DNMT3A: variants seen among roughly 807,000 people sequenced by gnomAD.
DNMT3A encodes the protein DNA methyltransferase 3 alpha.
Under a neutral mutation model 117.6 loss-of-function variants are expected in DNMT3A, and 267 were observed. The ratio of observed to expected loss-of-function variants is 2.27; its 90% confidence interval spans 2.05 to 2.51. DNMT3A has a LOEUF of 2.51. DNMT3A is among the 30% of genes most tolerant of loss of function. The pLI is 0.00. For synonymous variants in DNMT3A, 432 were observed against 474.8 expected (o/e 0.91, Z 1.17); for missense variants, 1,029 against 1,260.2 (o/e 0.82, Z 2.78).
chr2:25,239,263 A>G, intron 19 of DNMT3A, 48 bp from the exon 20 acceptor site: 1 of 1,554,290 alleles, frequency 6.4e-7, no homozygotes, highest in Non-Finnish European at 8.8e-7. Context: ...GGAGCATGAA[A>G]CAGCGCCGGC....
At chr2:25,329,674 CACACACACACACACA>C (rs1558746443) in intron 1 of DNMT3A, among the ~76,000 whole-genome samples, 2 of 22,674 alleles carry the variant, frequency 8.8e-5, no homozygotes, top group African/African-American at 1.3e-4. Flanking sequence ...ATGCAGACCC[CACACACACACACACA>C]CACACACACA....
intron 1 of DNMT3A, among the ~76,000 whole-genome samples, chr2:25,326,118 G>A (rs997152484): frequency 7.1e-5 from 10 of 140,780 alleles, no homozygotes; most frequent in Non-Finnish European, 8.0e-5. Flanking sequence ...ATGTGTGTGT[G>A]TGTGTGTGTG....
chr2:25,318,698 C>CTTTTTTTTTTTTTT (rs375722790), intron 1 of DNMT3A, among the ~76,000 whole-genome samples: 1 of 132,266 alleles, frequency 7.6e-6, no homozygotes, highest in African/African-American at 2.8e-5. Context: ...TTTTTCTTTT[C>CTTTTTTTTTTTTTT]TTTTTTTTTT....
intron 3 of DNMT3A, among the ~76,000 whole-genome samples, chr2:25,290,569 A>C (rs979164154): frequency 2.4e-4 from 37 of 152,076 alleles, no homozygotes; most frequent in Admixed American, 3.9e-4. Context: ...TAATCCACCC[A>C]CCTCGGCCTC....
At chr2:25,270,031 G>A (rs1558693793) in intron 6 of DNMT3A, among the ~76,000 whole-genome samples, 5 of 152,150 alleles carry the variant, frequency 3.3e-5, no homozygotes, top group South Asian at 2.1e-4. Flanking sequence ...CAGCCTAGGG[G>A]AAGGGCTGGT....
rs116666907 is a variant in DNMT3A, at chr2:25,327,929, T to C, written c.-177-13768A>G. ...CTCACATCCAGCAGGTACCTGGTCC[T>C]TGGGCTTCTCTCGTCCCCCTATTCC... On this transcript the variant is annotated intron_variant, in intron 1 of 22. Transcript: ENST00000321117. The surrounding 1 kb of genome is among the most constrained non-coding windows in gnomAD (Gnocchi z 4.1). Among the ~76,000 whole-genome samples the C allele has an allele frequency of 7.7e-3, 1,173 of 152,322 alleles. 15 individuals carry two copies. The highest frequency in any genetic ancestry group is 0.027 in the African/African-American group (1,113 of 41,568).
chr2:25,273,740 C>T (rs935774288), intron 6 of DNMT3A, among the ~76,000 whole-genome samples: 5 of 152,316 alleles, frequency 3.3e-5, no homozygotes, highest in Non-Finnish European at 7.3e-5. Context: ...AGAAGCTTCT[C>T]TATAAAGTCA....
At chr2:25,235,197 T>TC (rs1673214544) in intron 22 of DNMT3A, among the ~76,000 whole-genome samples, 3 of 151,446 alleles carry the variant, frequency 2.0e-5, no homozygotes, top group Admixed American at 6.6e-5. Flanking sequence ...TTTTTTTTTT[T>TC]TCCCTTTGAG....
chr2:25,247,844 G>C lies in DNMT3A; in HGVS notation c.856-95C>G. On this transcript the variant is annotated intron_variant, in intron 7 of 22. Coordinates refer to ENST00000321117, the MANE Select transcript of DNMT3A (RefSeq NM_022552.5). The surrounding 1 kb of genome is among the most constrained non-coding windows in gnomAD (Gnocchi z 5.6). ...CAACCCCAGCCCTGGGCATCTGGGG[G>C]GCAGGACAGCCAGGAGGGAGCTCCA... is the stretch of plus-strand genomic sequence containing the variant. 1 of 1,556,934 alleles carries C rather than the reference G, an allele frequency of 6.4e-7. No individual in the cohort carries two copies. The highest frequency in any genetic ancestry group is 8.7e-7 in the Non-Finnish European group (1 of 1,155,776).
intron 1 of DNMT3A, among the ~76,000 whole-genome samples, chr2:25,335,578 C>T (rs891707259): frequency 2.6e-5 from 4 of 152,190 alleles, no homozygotes; most frequent in African/African-American, 9.7e-5. Flanking sequence ...ATCACTGGAA[C>T]CCATGACCCA....
intron 6 of DNMT3A, chr2:25,249,760 T>C (rs1675286535): frequency 6.2e-7 from 1 of 1,610,386 alleles, no homozygotes; most frequent in Non-Finnish European, 8.5e-7. Context: ...TACTTAGCTC[T>C]GAGAACCATT....
chr2:25,339,152 C>G lies in DNMT3A; in HGVS notation c.-178+2674G>C, dbSNP rs576989463. On this transcript the variant is annotated intron_variant, in intron 1 of 22. Coordinates refer to ENST00000321117, the MANE Select transcript of DNMT3A (RefSeq NM_022552.5). This position sits in a 1 kb window ranked among gnomAD's most constrained non-coding sequence, Gnocchi z 4.9. The stretch of plus-strand genomic sequence containing the variant: ...GCCTTCCCCTATTACTGCCATGTGC[C>G]GAAAAACAGACCACCCTGTCCCCAT... Among the ~76,000 whole-genome samples, 1 of 152,082 alleles carries G rather than the reference C, an allele frequency of 6.6e-6. No homozygotes were observed. The highest frequency in any genetic ancestry group is 2.4e-5 in the African/African-American group (1 of 41,476).
chr2:25,302,754 C>T (rs1374292413), intron 2 of DNMT3A, among the ~76,000 whole-genome samples: 1 of 151,512 alleles, frequency 6.6e-6, no homozygotes, highest in African/African-American at 2.4e-5. Context: ...TGTGAAGGTT[C>T]TGATTGGATC....
In DNMT3A at chr2:25,327,471, C is replaced by T. The variant is rs1471159373; in HGVS notation, c.-177-13310G>A. ...TGAAAGGAGACCCCTGCTTCTGGAGCTCACCAGCAACTGCCTTCTGTGTGT... is the reference window on the plus strand; with the variant it reads ...TGAAAGGAGACCCCTGCTTCTGGAGTTCACCAGCAACTGCCTTCTGTGTGT... On this transcript the variant is annotated intron_variant, in intron 1 of 22. Coordinates refer to ENST00000321117, the MANE Select transcript of DNMT3A (RefSeq NM_022552.5). The surrounding 1 kb of genome is among the most constrained non-coding windows in gnomAD (Gnocchi z 4.1). Among the ~76,000 whole-genome samples the T allele has an allele frequency of 6.6e-6, 1 of 152,144 alleles. No homozygotes were observed. Among genetic ancestry groups the T allele is most frequent in the East Asian group, 1.9e-4 (1 of 5,192 alleles).
Position 25,230,441 on chromosome 2 carries a change from T to C in DNMT3A, c.*3838A>G, listed in dbSNP as rs1672823559. The C allele has an allele frequency of 1.3e-5, 2 of 152,198 alleles. No individual in the cohort carries two copies. The highest frequency in any genetic ancestry group is 2.9e-5 in the Non-Finnish European group (2 of 68,042). The allele number at this position is 152,198 out of a possible 1,614,324, so 9.4% of individuals were successfully genotyped here. A position where few individuals can be genotyped will look rare whatever the true frequency, so the allele number is the denominator to read the frequency against. On this transcript the variant is annotated 3_prime_UTR_variant, in exon 23 of 23. Transcript: ENST00000321117. ...GCCACCTGGCACCTGCAGGGGAAGC[T>C]GTCATCAGCCCCCAGAACCCTTGTT...
In DNMT3A at chr2:25,228,300, T is replaced by TAA. The variant is rs1672754304; in HGVS notation, c.*5977_*5978dup. The stretch of plus-strand genomic sequence containing the variant: ...AACCAGGAAAAAAAAATAATAATAA[T>TAA]AAAGGAGAAAAGAGGAACTTAAGAG... On this transcript the variant is annotated 3_prime_UTR_variant, in exon 23 of 23. Coordinates refer to ENST00000321117, the MANE Select transcript of DNMT3A (RefSeq NM_022552.5). 1.7e-5 allele frequency: 1 copy of TAA among 57,938 alleles called. No individual in the cohort carries two copies. The highest frequency in any genetic ancestry group is 3.4e-5 in the Non-Finnish European group (1 of 29,326). The allele number at this position is 57,938 out of a possible 1,614,324, so 3.6% of individuals were successfully genotyped here. A position where few individuals can be genotyped will look rare whatever the true frequency, so the allele number is the denominator to read the frequency against.
chr2:25,288,115 C>T (rs979896519), intron 3 of DNMT3A, among the ~76,000 whole-genome samples: 1 of 148,968 alleles, frequency 6.7e-6, no homozygotes, highest in African/African-American at 2.5e-5. Context: ...AGATTACAGG[C>T]ATGAGCCACC....
In DNMT3A at chr2:25,284,696, AT is replaced by A. The variant is rs1168760272; in HGVS notation, c.178-1986del. Among the ~76,000 whole-genome samples, 5 of 149,678 alleles carry A rather than the reference AT, an allele frequency of 3.3e-5. No individual in the cohort carries two copies. The East Asian group carries it at 5.9e-4, about 18-fold the overall frequency. ...AAAAAGACTATACAAAAAAAAAAAA[AT>A]AATGCTAAAAGGTTAAAGCTCCTAT... On this transcript the variant is annotated intron_variant, in intron 3 of 22. Coordinates refer to ENST00000321117, the MANE Select transcript of DNMT3A (RefSeq NM_022552.5).
At chr2:25,308,500 C>A (rs2033902428) in intron 2 of DNMT3A, among the ~76,000 whole-genome samples, 1 of 152,128 alleles carries the variant, frequency 6.6e-6, no homozygotes, top group Non-Finnish European at 1.5e-5. Context: ...GTAGGTCCTG[C>A]TCAGCTCAGG....
Sources: gnomAD v4.1 joint callset for allele counts (sites outside exome capture counted in the v4.1 genomes callset) on GRCh38, gnomAD v4.1.1 for gene constraint, Gnocchi (gnomAD v3.1) non-coding constraint, MANE v1.5 for transcripts, NCBI Gene and HGNC (gene_info 2026-07-23, HGNC 2026-07-21) for gene names.